Variants in SCAPER observed in about 807,000 individuals in gnomAD.
SCAPER encodes the protein S phase cyclin A-associated protein in the endoplasmic reticulum.
SCAPER carries 98 observed loss-of-function variants against 182.2 expected under a neutral mutation model. The observed-to-expected ratio is 0.54, with a 90% confidence interval of 0.46 to 0.64. The LOEUF (loss-of-function observed/expected upper bound fraction) is 0.64, where lower values mean the gene tolerates loss of function less well. Among genes scored for constraint, SCAPER ranks in the 30% least tolerant of loss-of-function variants. SCAPER has a pLI of 0.00. For missense variants in SCAPER, 1,432 were observed against 1,690.0 expected (o/e 0.85, Z 2.68); for synonymous variants, 605 against 564.6 (o/e 1.07, Z -1.01).
At chr15:76,506,188 C>T (rs1597087817) in intron 23 of SCAPER, among the ~76,000 whole-genome samples, 1 of 152,034 alleles carries the variant, frequency 6.6e-6, no homozygotes, top group Non-Finnish European at 1.5e-5. Context: ...AGACCTAGTA[C>T]TTGATAGCCC....
intron 23 of SCAPER, among the ~76,000 whole-genome samples, chr15:76,566,767 T>A (rs891791299): frequency 1.3e-5 from 2 of 152,112 alleles, no homozygotes. Flanking sequence ...GAAATAACAT[T>A]TCTTCAATAA....
intron 29 of SCAPER, among the ~76,000 whole-genome samples, chr15:76,371,111 T>A (rs998096471): frequency 6.6e-6 from 1 of 152,204 alleles, no homozygotes; most frequent in Non-Finnish European, 1.5e-5. Flanking sequence ...TGATCTTTCA[T>A]AGAGAAATGA....
At chr15:76,754,167 C>T (rs1331844152) in intron 14 of SCAPER, among the ~76,000 whole-genome samples, 1 of 151,958 alleles carries the variant, frequency 6.6e-6, no homozygotes, top group Non-Finnish European at 1.5e-5. Context: ...ACTTTTTTAG[C>T]CTATGTCTCA....
chr15:76,379,587 T>C (rs926877814), intron 28 of SCAPER: 1 of 152,186 alleles, frequency 6.6e-6, no homozygotes, highest in African/African-American at 2.4e-5. Flanking sequence ...GGGGATAAGT[T>C]TCAAGATGGA....
chr15:76,892,603 A>C (rs1217732979), intron 1 of SCAPER, among the ~76,000 whole-genome samples: 1 of 152,238 alleles, frequency 6.6e-6, no homozygotes, highest in East Asian at 1.9e-4. Context: ...GAGAAACGCA[A>C]ATCAAAACCA....
chr15:76,717,551 A>G (rs1263608217), intron 17 of SCAPER, among the ~76,000 whole-genome samples: 1 of 152,164 alleles, frequency 6.6e-6, no homozygotes, highest in Non-Finnish European at 1.5e-5. Context: ...TGGACAGTAA[A>G]AGTCTAGTTT....
chr15:76,846,185 C>T (rs2070062867), intron 4 of SCAPER, among the ~76,000 whole-genome samples: 2 of 151,914 alleles, frequency 1.3e-5, no homozygotes, highest in African/African-American at 4.8e-5. Context: ...CATATACAAA[C>T]CTCAAATCAA....
intron 23 of SCAPER, among the ~76,000 whole-genome samples, chr15:76,505,374 A>G (rs2041482363): frequency 6.6e-6 from 1 of 152,346 alleles, no homozygotes; most frequent in Non-Finnish European, 1.5e-5. Flanking sequence ...ACCAGAATAT[A>G]TAAGAGCTCA....
chr15:76,351,135 G>A (rs2040515807), intron 31 of SCAPER, 102 bp downstream of exon 31: 2 of 922,656 alleles, frequency 2.2e-6, no homozygotes, highest in Non-Finnish European at 1.6e-6. Context: ...TTTAGGTTAT[G>A]TATAAAATTT....
chr15:76,733,488 C>T, intron 15 of SCAPER, 104 bp from the exon 16 acceptor site: 1 of 1,350,440 alleles, frequency 7.4e-7, no homozygotes, highest in Non-Finnish European at 9.9e-7. Flanking sequence ...GTGGTTCACG[C>T]CTGTGATCCT....
intron 26 of SCAPER, among the ~76,000 whole-genome samples, chr15:76,419,829 T>C (rs1410887989): frequency 1.3e-5 from 2 of 152,152 alleles, no homozygotes; most frequent in Non-Finnish European, 2.9e-5. Context: ...CAGACAAACA[T>C]GTAACAAAAG....
chr15:76,701,171 T>C (rs1011736866), intron 20 of SCAPER, among the ~76,000 whole-genome samples: 6 of 152,230 alleles, frequency 3.9e-5, no homozygotes, highest in South Asian at 2.1e-4. Flanking sequence ...CAATAACTTT[T>C]CCTGGACAGC....
intron 5 of SCAPER, among the ~76,000 whole-genome samples, chr15:76,814,531 C>T (rs910369087): frequency 1.3e-5 from 2 of 152,094 alleles, no homozygotes; most frequent in African/African-American, 4.8e-5. Context: ...ATAAACTCTT[C>T]AATAGTGTTG....
intron 29 of SCAPER, among the ~76,000 whole-genome samples, chr15:76,360,705 CT>C (rs112127359): frequency 0.097 from 14,838 of 152,216 alleles, 908 homozygotes; most frequent in African/African-American, 0.17. Flanking sequence ...AAAACCTATA[CT>C]CTTCTTGGCT....
At chr15:76,840,840 T>G (rs2069403578) in intron 5 of SCAPER, among the ~76,000 whole-genome samples, 1 of 152,212 alleles carries the variant, frequency 6.6e-6, no homozygotes, top group Non-Finnish European at 1.5e-5. Flanking sequence ...ACACCATGTG[T>G]CTGTTTAATA....
At chr15:76,659,042 A>T (rs2055899895) in intron 21 of SCAPER, among the ~76,000 whole-genome samples, 1 of 152,206 alleles carries the variant, frequency 6.6e-6, no homozygotes, top group Non-Finnish European at 1.5e-5. Context: ...GCCAAAAACA[A>T]TTGCAACAAC....
intron 24 of SCAPER, among the ~76,000 whole-genome samples, chr15:76,472,855 T>C (rs2050300390): frequency 6.6e-6 from 1 of 152,154 alleles, no homozygotes; most frequent in Non-Finnish European, 1.5e-5. Context: ...TTGGCACAAA[T>C]CCCTTGTGGT....
chr15:76,613,823 G>A (rs2051210749), intron 22 of SCAPER, among the ~76,000 whole-genome samples: 1 of 152,204 alleles, frequency 6.6e-6, no homozygotes, highest in Non-Finnish European at 1.5e-5. Flanking sequence ...GTGTAAATTA[G>A]TTCGGCCATT....
intron 7 of SCAPER, chr15:76,797,147 T>C (rs148134175): frequency 6.6e-6 from 1 of 152,122 alleles, no homozygotes; most frequent in Non-Finnish European, 1.5e-5. Flanking sequence ...GACATGAAGT[T>C]AGGAGATAAA....
Sources: allele counts gnomAD v4.1 joint callset (sites outside exome capture counted in the v4.1 genomes callset), GRCh38; gene constraint gnomAD v4.1.1; transcripts MANE v1.5; gene names NCBI Gene and HGNC (gene_info 2026-07-23, HGNC 2026-07-21).